The following RPS6KA2 variants were observed in gnomAD, a reference collection of about 807,000 sequenced individuals.
RPS6KA2 encodes ribosomal protein S6 kinase alpha-2.
A neutral mutation model predicts 91.8 loss-of-function variants in RPS6KA2; 42 were observed. That is an observed-to-expected ratio of 0.46 (90% CI 0.36 to 0.59). The LOEUF (loss-of-function observed/expected upper bound fraction) is 0.59, where lower values mean the gene tolerates loss of function less well. Ranked by LOEUF, RPS6KA2 falls within the 20% of genes least tolerant of loss-of-function variation. RPS6KA2 has a pLI of 0.00. For synonymous variants in RPS6KA2, 414 were observed against 393.6 expected (o/e 1.05, Z -0.61); for missense variants, 798 against 978.5 (o/e 0.82, Z 2.46).
chr6:166,504,503 T>G lies in RPS6KA2; in HGVS notation c.566+3A>C, dbSNP rs746577918. On this transcript the variant is annotated splice_donor_region_variant and intron_variant, in intron 6 of 20. Transcript: ENST00000265678. ...AAGTCAGCCCTAGTTTTTTCTCACT[T>G]ACTTCTCAGGCTTCAGATCTCTGTA... The G allele has an allele frequency of 6.3e-6, 10 of 1,592,996 alleles. No individual in the cohort carries two copies. The Admixed American group carries it at 1.7e-4, about 28-fold the overall frequency.
chr6:166,670,482 T>G (rs1011244960), intron 2 of RPS6KA2, among the ~76,000 whole-genome samples: 2 of 152,238 alleles, frequency 1.3e-5, no homozygotes, highest in Non-Finnish European at 2.9e-5. Context: ...TAATTTGTTA[T>G]GTACTAAAGG....
chr6:166,689,977 C>T (rs1350430456), intron 2 of RPS6KA2, among the ~76,000 whole-genome samples: 1 of 152,240 alleles, frequency 6.6e-6, no homozygotes, highest in African/African-American at 2.4e-5. Context: ...CCAAGGAGTC[C>T]ACACTGCGTT....
At chr6:166,446,755 C>T (rs1056447499) in intron 14 of RPS6KA2, among the ~76,000 whole-genome samples, 5 of 152,138 alleles carry the variant, frequency 3.3e-5, no homozygotes, top group Admixed American at 2.6e-4. Context: ...TCTGGAAGGG[C>T]ACCGCGGCTG....
intron 13 of RPS6KA2, 134 bp downstream of exon 13, chr6:166,450,969 G>T: frequency 9.6e-7 from 1 of 1,039,110 alleles, no homozygotes; most frequent in Non-Finnish European, 1.4e-6. Context: ...GAAGTGTGAG[G>T]GAAGAATTGG....
chr6:166,455,932 T>C (rs1287471435), intron 12 of RPS6KA2, among the ~76,000 whole-genome samples: 1 of 152,258 alleles, frequency 6.6e-6, no homozygotes, highest in Non-Finnish European at 1.5e-5. Flanking sequence ...CTTGAGCTTA[T>C]TCTGGGGAAT....
chr6:166,700,655 A>G (rs1247212128), intron 2 of RPS6KA2, among the ~76,000 whole-genome samples: 1 of 152,206 alleles, frequency 6.6e-6, no homozygotes, highest in African/African-American at 2.4e-5. Context: ...TTTCCATGCT[A>G]ATGGCTTAAC....
intron 3 of RPS6KA2, among the ~76,000 whole-genome samples, chr6:166,525,689 A>C (rs7775202): frequency 0.01 from 1,530 of 152,218 alleles, 19 homozygotes; most frequent in African/African-American, 0.035. Context: ...TTCTTTTTCA[A>C]AACATTTGAC....
chr6:166,420,783 A>G (rs1371454703), intron 17 of RPS6KA2, among the ~76,000 whole-genome samples: 1 of 152,204 alleles, frequency 6.6e-6, no homozygotes, highest in Non-Finnish European at 1.5e-5. Context: ...ACGTGATAAC[A>G]TTTAATTTTT....
intron 2 of RPS6KA2, among the ~76,000 whole-genome samples, chr6:166,791,976 C>T (rs1472915812): frequency 9.2e-5 from 14 of 151,790 alleles, no homozygotes; most frequent in Non-Finnish European, 1.9e-4. Context: ...AGAGCAAACA[C>T]ATTCAAAAGC....
chr6:166,634,021 GA>G (rs1787160444), intron 2 of RPS6KA2, among the ~76,000 whole-genome samples: 1 of 152,232 alleles, frequency 6.6e-6, no homozygotes, highest in African/African-American at 2.4e-5. Context: ...TGGGGTGAGT[GA>G]CACTGTGTGG....
At chr6:166,791,102 C>A (rs1326751586) in intron 2 of RPS6KA2, among the ~76,000 whole-genome samples, 1 of 152,132 alleles carries the variant, frequency 6.6e-6, no homozygotes, top group Non-Finnish European at 1.5e-5. Context: ...CATCAGTGTG[C>A]TGTATTCAGG....
At chr6:166,765,358 G>A (rs557701749) in intron 2 of RPS6KA2, among the ~76,000 whole-genome samples, 29 of 152,270 alleles carry the variant, frequency 1.9e-4, no homozygotes, top group Non-Finnish European at 3.1e-4. Context: ...GACGACCCAC[G>A]GCCACGAGCA....
Position 166,462,608 on chromosome 6 carries a change from G to A in RPS6KA2, c.973-3057C>T, listed in dbSNP as rs1258365588. On this transcript the variant is annotated intron_variant, in intron 11 of 20. Coordinates refer to ENST00000265678, the MANE Select transcript of RPS6KA2 (RefSeq NM_021135.6). ...TGGGCTCAGACTTCCCCTGTGCTCTGCCCCATCTGTGCCTAGCCCGGTGCT... is the reference window on the plus strand; with the variant it reads ...TGGGCTCAGACTTCCCCTGTGCTCTACCCCATCTGTGCCTAGCCCGGTGCT... Among the ~76,000 whole-genome samples the A allele has an allele frequency of 3.3e-5, 5 of 152,330 alleles. No individual in the cohort carries two copies. The East Asian group carries it at 9.6e-4, about 29-fold the overall frequency.
At chr6:166,835,316 C>T (rs9348187) in intron 2 of RPS6KA2, among the ~76,000 whole-genome samples, 82,110 of 151,936 alleles carry the variant, frequency 0.54, 23,936 homozygotes, top group Middle Eastern at 0.71. Context: ...AATCTGTTTG[C>T]CAAATTCTGT....
At chr6:166,723,700 T>TTTC (rs1790249443) in intron 2 of RPS6KA2, among the ~76,000 whole-genome samples, 1 of 130,970 alleles carries the variant, frequency 7.6e-6, no homozygotes, top group African/African-American at 4.5e-5. Context: ...TTTTCTTTTC[T>TTTC]TTTCTTTTTT....
chr6:166,495,271 G>A lies in RPS6KA2; in HGVS notation c.747+3237C>T, dbSNP rs113596144. ...GGCAGCCTTAGCTTGTGGTCACCAC[G>A]GCAACAGCCAGCCCTGCCTCGGGCT... On this transcript the variant is annotated intron_variant, in intron 8 of 20. Transcript: ENST00000265678. The surrounding 1 kb of genome is among the most constrained non-coding windows in gnomAD (Gnocchi z 4.4). Among the ~76,000 whole-genome samples, 2,552 of 152,096 alleles carry A rather than the reference G, an allele frequency of 0.017. 94 individuals are homozygous for A. The highest frequency in any genetic ancestry group is 0.058 in the African/African-American group (2,418 of 41,360).
chr6:166,656,799 A>G (rs957060310), intron 2 of RPS6KA2, among the ~76,000 whole-genome samples: 1 of 152,208 alleles, frequency 6.6e-6, no homozygotes, highest in Non-Finnish European at 1.5e-5. Flanking sequence ...TGGCTCAGGT[A>G]GGTGCCATCG....
At chr6:166,454,484 C>T (rs1400204792) in intron 12 of RPS6KA2, among the ~76,000 whole-genome samples, 3 of 150,474 alleles carry the variant, frequency 2.0e-5, no homozygotes, top group Non-Finnish European at 2.9e-5. Flanking sequence ...GGTGACAGAG[C>T]GAGACTCTGT....
rs1781566519 is a variant in RPS6KA2, at chr6:166,490,899, C to T, written c.748-158G>A. On this transcript the variant is annotated intron_variant, in intron 8 of 20. Transcript: ENST00000265678. This position sits in a 1 kb window ranked among gnomAD's most constrained non-coding sequence, Gnocchi z 4.2. Reference sequence around the variant, plus strand: ...ACTGGCCTACGTGCTTGGGGTACAACAGTGACTAAAACTGCCTCGCAGAGC... The same window carrying T: ...ACTGGCCTACGTGCTTGGGGTACAATAGTGACTAAAACTGCCTCGCAGAGC... Among the ~76,000 whole-genome samples the T allele has an allele frequency of 6.6e-6, 1 of 152,240 alleles. No individual in the cohort carries two copies. The highest frequency in any genetic ancestry group is 2.1e-4 in the South Asian group (1 of 4,836).
Sources: allele counts gnomAD v4.1 joint callset (sites outside exome capture counted in the v4.1 genomes callset), GRCh38; gene constraint gnomAD v4.1.1; non-coding constraint Gnocchi (gnomAD v3.1); transcripts MANE v1.5; gene names NCBI Gene and HGNC (gene_info 2026-07-23, HGNC 2026-07-21).